Variants in TANGO2 observed in about 807,000 individuals in gnomAD.
TANGO2 encodes transport and Golgi organization protein 2 homolog.
Under a neutral mutation model 39.1 loss-of-function variants are expected in TANGO2, and 26 were observed. That is an observed-to-expected ratio of 0.67 (90% CI 0.49 to 0.92). The LOEUF (loss-of-function observed/expected upper bound fraction) is 0.92, where lower values mean the gene tolerates loss of function less well. Among genes scored for constraint, TANGO2 ranks in the 40% least tolerant of loss-of-function variants. The probability of loss-of-function intolerance (pLI) is 0.00; values close to 1 mark genes in which losing one functional copy is unlikely to be tolerated. For synonymous variants in TANGO2, 131 were observed against 144.5 expected, an observed-to-expected ratio of 0.91 and a Z score of 0.67; for missense variants, 326 against 360.1, an observed-to-expected ratio of 0.91 and a Z score of 0.77.
Position 20,055,961 on chromosome 22 carries a change from C to A in TANGO2, c.399C>A (p.Val133=), listed in dbSNP as rs1193891718. ...AADLSTAKGD[V]ICYYGNRGEP... ...CCTGCAGCACAGCAAAGGGAGACGT[C>A]ATTTGCTACTATGGGAACCGAGGGG... The change falls in exon 6 of 9, where the codon GTC becomes GTA. Residue 133 remains valine (V), a synonymous_variant. Transcript: ENST00000327374. The A allele has an allele frequency of 2.5e-6, 4 of 1,614,102 alleles. No individual in the cohort carries two copies. The highest frequency in any genetic ancestry group is 3.4e-6 in the Non-Finnish European group (4 of 1,179,940).
intron 1 of TANGO2, among the ~76,000 whole-genome samples, chr22:20,035,699 T>C (rs2042716441): frequency 1.3e-5 from 2 of 152,138 alleles, no homozygotes; most frequent in Admixed American, 1.3e-4. Flanking sequence ...GCAGGACCTG[T>C]AGGGCCTGCA....
intron 1 of TANGO2, among the ~76,000 whole-genome samples, chr22:20,035,772 G>A (rs975991238): frequency 2.6e-5 from 4 of 152,170 alleles, no homozygotes; most frequent in Non-Finnish European, 5.9e-5. Flanking sequence ...GGTGGCGTGT[G>A]GGGTGGGTTT....
chr22:20,044,725 G>A (rs1485967465), intron 3 of TANGO2, among the ~76,000 whole-genome samples: 1 of 152,196 alleles, frequency 6.6e-6, no homozygotes, highest in African/African-American at 2.4e-5. Context: ...GATGCAGTGG[G>A]TGCAGGGCTG....
intron 3 of TANGO2, among the ~76,000 whole-genome samples, chr22:20,048,487 T>G (rs1360262574): frequency 1.3e-5 from 2 of 152,190 alleles, no homozygotes; most frequent in East Asian, 3.8e-4. Context: ...TATTTTTTGG[T>G]TGTTTTATGC....
intron 3 of TANGO2, among the ~76,000 whole-genome samples, chr22:20,047,423 C>CG (rs1316025859): frequency 1.3e-5 from 2 of 151,618 alleles, no homozygotes; most frequent in African/African-American, 4.8e-5. Flanking sequence ...TTAGTAGAGA[C>CG]GGGGTTTCAC....
rs545847716 is a variant in TANGO2, at chr22:20,039,740, T to G, written c.56+2886T>G. On this transcript the variant is annotated intron_variant, in intron 2 of 8. Coordinates refer to ENST00000327374, the MANE Select transcript of TANGO2 (RefSeq NM_152906.7). ...ACAAGCTGTTACTCCATGGGACAGC[T>G]TCCATGGGGTCACCACTGAGGGTTT... Among the ~76,000 whole-genome samples the G allele has an allele frequency of 2.0e-5, 3 of 152,048 alleles. No homozygotes were observed. The East Asian group carries it at 5.8e-4, about 29-fold the overall frequency.
chr22:20,046,260 C>T (rs1216746769), intron 3 of TANGO2, among the ~76,000 whole-genome samples: 3 of 152,072 alleles, frequency 2.0e-5, no homozygotes, highest in Admixed American at 6.6e-5. Flanking sequence ...ATCCTCCCAC[C>T]TCAGCCTCCC....
At chr22:20,039,895 C>G (rs764600153) in intron 2 of TANGO2, among the ~76,000 whole-genome samples, 2 of 150,250 alleles carry the variant, frequency 1.3e-5, no homozygotes, top group Admixed American at 6.6e-5. Flanking sequence ...GGACAGTACA[C>G]GCACTCACCC....
chr22:20,047,530 C>T (rs1016010474), intron 3 of TANGO2, among the ~76,000 whole-genome samples: 2 of 152,164 alleles, frequency 1.3e-5, no homozygotes, highest in East Asian at 1.9e-4. Flanking sequence ...CCACCTCACC[C>T]AGCCCGGGGA....
intron 3 of TANGO2, among the ~76,000 whole-genome samples, chr22:20,051,395 A>G (rs1602221060): frequency 6.6e-6 from 1 of 151,912 alleles, no homozygotes; most frequent in African/African-American, 2.4e-5. Context: ...GCCAGGTGTG[A>G]TGGCACATGC....
Position 20,053,422 on chromosome 22 carries a change from G to C in TANGO2, c.266-15G>C. 3 of 1,569,408 alleles carry C rather than the reference G, an allele frequency of 1.9e-6. No homozygotes were observed. The highest frequency in any genetic ancestry group is 2.2e-5 in the South Asian group (2 of 90,170). On this transcript the variant is annotated splice_polypyrimidine_tract_variant and intron_variant, in intron 4 of 8. Coordinates refer to ENST00000327374, the MANE Select transcript of TANGO2 (RefSeq NM_152906.7). ...GCCTGCAGCTGTGGACACAGCATCTGTCCCCTGCCTACAGGTGAACTTGTC... is the reference window on the plus strand; with the variant it reads ...GCCTGCAGCTGTGGACACAGCATCTCTCCCCTGCCTACAGGTGAACTTGTC...
chr22:20,037,894 C>G lies in TANGO2; in HGVS notation c.56+1040C>G, dbSNP rs551531015. Among the ~76,000 whole-genome samples the G allele has an allele frequency of 6.6e-5, 10 of 152,154 alleles. No individual in the cohort carries two copies. In the South Asian group the frequency reaches 1.5e-3, roughly 22 times the overall value. On this transcript the variant is annotated intron_variant, in intron 2 of 8. Transcript: ENST00000327374. Reference sequence around the variant, plus strand: ...GGGCGGATCACAAGGTCAGGAGATCCAGACCATCCTGGATAACACATCTCT... The same window carrying G: ...GGGCGGATCACAAGGTCAGGAGATCGAGACCATCCTGGATAACACATCTCT...
chr22:20,055,797 G>A (rs1256590524), intron 5 of TANGO2, 146 bp from the exon 6 acceptor site: 2 of 688,476 alleles, frequency 2.9e-6, no homozygotes, highest in African/African-American at 1.8e-5. Context: ...CACCTGAGGG[G>A]CTGGGTCCTG....
chr22:20,047,201 C>A (rs1400201679), intron 3 of TANGO2, among the ~76,000 whole-genome samples: 2 of 151,688 alleles, frequency 1.3e-5, no homozygotes, highest in Admixed American at 6.6e-5. Flanking sequence ...ACCCCACCTC[C>A]AACACTGGGG....
intron 1 of TANGO2, among the ~76,000 whole-genome samples, chr22:20,034,135 G>T (rs2042380773): frequency 6.6e-6 from 1 of 152,170 alleles, no homozygotes; most frequent in African/African-American, 2.4e-5. Context: ...AACTCGGGGG[G>T]CGGAGGTTGC....
rs150834860 is a variant in TANGO2, at chr22:20,063,341, G to A, written c.609G>A (p.Gln203=). 30 of 1,613,048 alleles carry A rather than the reference G, an allele frequency of 1.9e-5. No homozygotes were observed. The African/African-American group carries it at 3.9e-4, about 21-fold the overall frequency. Residue 203 remains glutamine, a synonymous_variant, in exon 8 of 9, where the codon CAG becomes CAA. Transcript: ENST00000327374. ...ACCACTTCTCTCCATCCTGCAGGCAGCTGCCAGACCCGGCCATCGAGGACC... is the reference window on the plus strand; with the variant it reads ...ACCACTTCTCTCCATCCTGCAGGCAACTGCCAGACCCGGCCATCGAGGACC... ...LLDVLNNEEA[Q]LPDPAIEDQG... is the part of the protein sequence containing the mutation.
intron 6 of TANGO2, chr22:20,061,272 C>A (rs926885790): frequency 1.6e-5 from 6 of 384,822 alleles, no homozygotes; most frequent in African/African-American, 1.0e-4. Flanking sequence ...ATCCATCCAT[C>A]GAGGCTGCTG....
intron 8 of TANGO2, among the ~76,000 whole-genome samples, chr22:20,064,230 G>A (rs2048896296): frequency 6.6e-6 from 1 of 152,256 alleles, no homozygotes; most frequent in Non-Finnish European, 1.5e-5. Flanking sequence ...GGGGAAGTGT[G>A]TGGTCAGCCC....
intron 6 of TANGO2, among the ~76,000 whole-genome samples, chr22:20,058,775 G>C (rs938340382): frequency 1.3e-5 from 2 of 152,160 alleles, no homozygotes; most frequent in African/African-American, 4.8e-5. Flanking sequence ...TTTGAAGAGG[G>C]GAAGGGCAGT....
Sources: gnomAD v4.1 joint callset for allele counts (sites outside exome capture counted in the v4.1 genomes callset) on GRCh38, gnomAD v4.1.1 for gene constraint, MANE v1.5 for transcripts, NCBI Gene and HGNC (gene_info 2026-07-23, HGNC 2026-07-21) for gene names.